DSCAM: variants seen among roughly 807,000 people sequenced by gnomAD.
DSCAM encodes the protein DS cell adhesion molecule, also known as cell adhesion molecule DSCAM.
A neutral mutation model predicts 217.7 loss-of-function variants in DSCAM; 47 were observed. The ratio of observed to expected loss-of-function variants is 0.22; its 90% CI spans 0.17 to 0.28. The LOEUF (loss-of-function observed/expected upper bound fraction) is 0.28. Among genes scored for constraint, DSCAM ranks in the 10% least tolerant of loss-of-function variants. The pLI, the probability that DSCAM is intolerant of heterozygous loss-of-function variation, is 1.00. For missense variants in DSCAM, 2,080 were observed against 2,618.3 expected (o/e 0.79, Z 4.49); for synonymous variants, 1,056 against 1,015.3 (o/e 1.04, Z -0.76).
rs67838146 is a variant in DSCAM at position 40,792,137 on chromosome 21, C to CTTT, written c.43+54479_43+54481dup. Reference sequence around the variant, plus strand: ...GGTGTCCTAATCTCTTCTTCTTCTTCTTTTTTTTTTTTTTTTTTTTTGAGA... The same window carrying CTTT: ...GGTGTCCTAATCTCTTCTTCTTCTTCTTTTTTTTTTTTTTTTTTTTTTTTGAGA... On this transcript the variant is annotated intron_variant, in intron 1 of 32. Coordinates refer to ENST00000400454, the MANE Select transcript of DSCAM (RefSeq NM_001389.5). 3.7e-3 allele frequency among the ~76,000 whole-genome samples: 437 copies of CTTT among 118,548 alleles called. 6 individuals carry two copies. The highest frequency in any genetic ancestry group is 0.01 in the South Asian group (40 of 3,874). The allele number at this position is 118,548 out of a possible 152,430, so 77.8% of individuals were successfully genotyped here.
intron 3 of DSCAM, among the ~76,000 whole-genome samples, chr21:40,643,702 G>A (rs1247491663): frequency 1.3e-5 from 2 of 152,182 alleles, no homozygotes; most frequent in African/African-American, 4.8e-5. Flanking sequence ...GGCTGTTAAA[G>A]TGAGCCCTAA....
chr21:40,212,513 CT>C (rs2091195812), intron 11 of DSCAM: 5 of 153,970 alleles, frequency 3.2e-5, no homozygotes, highest in Non-Finnish European at 5.9e-5. Flanking sequence ...TGACACACCC[CT>C]GTGCATATTT....
chr21:40,770,250 C>T (rs1048057600), intron 1 of DSCAM, among the ~76,000 whole-genome samples: 1 of 152,156 alleles, frequency 6.6e-6, no homozygotes, highest in Non-Finnish European at 1.5e-5. Flanking sequence ...TCCTTAAATT[C>T]TTTTAGTTTC....
chr21:40,587,561 A>G (rs2146236655), intron 3 of DSCAM, among the ~76,000 whole-genome samples: 1 of 152,366 alleles, frequency 6.6e-6, no homozygotes, highest in East Asian at 1.9e-4. Flanking sequence ...AAATTTTAAG[A>G]ATGCCTTTCA....
At chr21:40,223,300 C>A (rs1569008735) in intron 11 of DSCAM, among the ~76,000 whole-genome samples, 3 of 152,238 alleles carry the variant, frequency 2.0e-5, no homozygotes, top group Admixed American at 1.3e-4. Context: ...ACCAGCCCAT[C>A]ACTTGAGCCT....
chr21:40,791,315 C>A (rs1026072900), intron 1 of DSCAM, among the ~76,000 whole-genome samples: 1 of 151,714 alleles, frequency 6.6e-6, no homozygotes, highest in Admixed American at 6.6e-5. Context: ...CTGACAATAT[C>A]CGCTTACGTT....
intron 11 of DSCAM, among the ~76,000 whole-genome samples, chr21:40,230,915 C>T (rs190630282): frequency 3.4e-4 from 52 of 152,002 alleles, no homozygotes; most frequent in African/African-American, 1.2e-3. Context: ...TCCAGGTACA[C>T]AGATGTCCCC....
intron 4 of DSCAM, among the ~76,000 whole-genome samples, chr21:40,362,893 A>T (rs1213305322): frequency 6.6e-6 from 1 of 152,132 alleles, no homozygotes; most frequent in Admixed American, 6.5e-5. Flanking sequence ...ATTAAAATGA[A>T]CTCAAAGGTT....
chr21:40,365,921 T>A (rs903093900), intron 4 of DSCAM, among the ~76,000 whole-genome samples: 5 of 152,024 alleles, frequency 3.3e-5, no homozygotes, highest in African/African-American at 7.3e-5. Flanking sequence ...AAATATTAGG[T>A]CAGTTTGTCT....
At chr21:40,021,002 A>G (rs1166169138) in intron 32 of DSCAM, among the ~76,000 whole-genome samples, 1 of 152,014 alleles carries the variant, frequency 6.6e-6, no homozygotes, top group Non-Finnish European at 1.5e-5. Context: ...AACTGAGTTC[A>G]GGGACTGAGA....
intron 11 of DSCAM, among the ~76,000 whole-genome samples, chr21:40,265,954 G>T (rs948372583): frequency 6.6e-6 from 1 of 152,122 alleles, no homozygotes; most frequent in African/African-American, 2.4e-5. Flanking sequence ...CCTGGGCAAA[G>T]AATTATGTCT....
chr21:40,791,560 C>T (rs540487498), intron 1 of DSCAM, among the ~76,000 whole-genome samples: 2 of 152,034 alleles, frequency 1.3e-5, no homozygotes, highest in East Asian at 1.9e-4. Context: ...GAGGCTGAGG[C>T]GGGAATGGCG....
chr21:40,838,975 G>C (rs9982832), intron 1 of DSCAM, among the ~76,000 whole-genome samples: 56,538 of 151,934 alleles, frequency 0.37, 11,617 homozygotes, highest in African/African-American at 0.56. Context: ...ACAAATACAG[G>C]CCTAGAAAGG....
chr21:40,687,009 C>T (rs937678311), intron 3 of DSCAM, among the ~76,000 whole-genome samples: 7 of 152,178 alleles, frequency 4.6e-5, no homozygotes, highest in Non-Finnish European at 1.0e-4. Flanking sequence ...AAAAACATGA[C>T]ATCTCTGTGC....
chr21:40,288,973 C>G (rs1163679365), intron 10 of DSCAM, among the ~76,000 whole-genome samples: 1 of 152,176 alleles, frequency 6.6e-6, no homozygotes, highest in African/African-American at 2.4e-5. Context: ...TCTACTCCTC[C>G]TCCTAGATTC....
At chr21:40,563,650 ATGTT>A (rs1388775501) in intron 3 of DSCAM, among the ~76,000 whole-genome samples, 2 of 133,404 alleles carry the variant, frequency 1.5e-5, no homozygotes, top group African/African-American at 3.4e-5. Context: ...ATATAGTTAT[ATGTT>A]TATGTTTGTT....
rs73906400 is a variant in DSCAM at position 40,073,797 on chromosome 21, C to T, written c.4888+1240G>A. Among the ~76,000 whole-genome samples, 808 of 152,266 alleles carry T rather than the reference C, an allele frequency of 5.3e-3. 6 individuals carry two copies. The highest frequency in any genetic ancestry group is 0.018 in the African/African-American group (761 of 41,546). On this transcript the variant is annotated intron_variant, in intron 27 of 32. Coordinates refer to ENST00000400454, the MANE Select transcript of DSCAM (RefSeq NM_001389.5). ...TCTTCTCATCTTTGTGTATTAAGCA[C>T]CTAGCATTCACTCAAGTAATGTCTG...
intron 1 of DSCAM, among the ~76,000 whole-genome samples, chr21:40,803,227 T>C (rs2091757824): frequency 1.3e-5 from 2 of 152,222 alleles, no homozygotes; most frequent in Non-Finnish European, 2.9e-5. Flanking sequence ...TGCCATATGG[T>C]AGATACAGAT....
chr21:40,501,155 T>A (rs1484890193), intron 3 of DSCAM, among the ~76,000 whole-genome samples: 4 of 152,200 alleles, frequency 2.6e-5, no homozygotes, highest in African/African-American at 9.6e-5. Flanking sequence ...AATGCATAAT[T>A]TTTAGGATAA....
Sources: gnomAD v4.1 joint callset for allele counts (sites outside exome capture counted in the v4.1 genomes callset) on GRCh38, gnomAD v4.1.1 for gene constraint, MANE v1.5 for transcripts, NCBI Gene and HGNC (gene_info 2026-07-23, HGNC 2026-07-21) for gene names.